The following SPAG17 variants were observed in gnomAD, a reference collection of about 807,000 sequenced individuals.
SPAG17 encodes the protein sperm-associated antigen 17.
SPAG17 carries 169 observed loss-of-function variants against 273.6 expected under a neutral mutation model. The ratio of observed to expected loss-of-function variants is 0.62; its 90% CI spans 0.55 to 0.70. The LOEUF (loss-of-function observed/expected upper bound fraction) is 0.70, where lower values mean the gene tolerates loss of function less well. Among genes scored for constraint, SPAG17 ranks in the 30% least tolerant of loss-of-function variants. The probability of loss-of-function intolerance (pLI) is 0.00; values close to 1 mark genes in which losing one functional copy is unlikely to be tolerated. For missense variants in SPAG17, 2,557 were observed against 2,627.8 expected (o/e 0.97, Z 0.59); for synonymous variants, 825 against 873.2 (o/e 0.94, Z 0.97).
chr1:118,165,645 CTTTTT>C (rs5777341), intron 1 of SPAG17, among the ~76,000 whole-genome samples: 4 of 108,350 alleles, frequency 3.7e-5, no homozygotes, highest in Non-Finnish European at 5.3e-5. Context: ...AAAAAACTTT[CTTTTT>C]TTTTTTTTTT....
At chr1:118,034,811 TGATTAA>T (rs1175267879) in intron 24 of SPAG17, among the ~76,000 whole-genome samples, 1 of 152,160 alleles carries the variant, frequency 6.6e-6, no homozygotes, top group East Asian at 1.9e-4. Flanking sequence ...AGTTGGGGCC[TGATTAA>T]GATTAAGATT....
At chr1:118,086,292 C>T (rs1173800208) in intron 12 of SPAG17, among the ~76,000 whole-genome samples, 1 of 152,182 alleles carries the variant, frequency 6.6e-6, no homozygotes, top group Non-Finnish European at 1.5e-5. Flanking sequence ...ACTGATTCTT[C>T]ATTCACAGTG....
Position 118,091,672 on chromosome 1 carries a change from A to G in SPAG17, c.1293T>C (p.Tyr431=), listed in dbSNP as rs1214807133. The change falls in exon 10 of 49, where the codon TAT becomes TAC. Residue 431 remains tyrosine (Y), a synonymous_variant. Transcript: ENST00000336338. ...TTEVDMRYYN[Y]LLNPIREEFI... is the part of the protein sequence containing the mutation. ...ATTCCTCTCGAATTGGATTCAGCAA[A>G]TAATTGTAATATCTCATGTCTACTT... 1.2e-6 allele frequency: 2 copies of G among 1,612,486 alleles called. No homozygotes were observed. Among genetic ancestry groups the G allele is most frequent in the East Asian group, 2.2e-5 (1 of 44,850 alleles).
Position 117,953,688 on chromosome 1 carries a change from C to A in SPAG17, c.*362G>T. 1.3e-6 allele frequency: 1 copy of A among 757,222 alleles called. No homozygotes were observed. The highest frequency in any genetic ancestry group is 2.1e-6 in the Non-Finnish European group (1 of 474,924). 46.9% of individuals were successfully genotyped at this position (757,222 alleles called of 1,614,324 possible). On this transcript the variant is annotated 3_prime_UTR_variant, in exon 49 of 49. Transcript: ENST00000336338. ...TGGGGATTATAACCTGTTTCCTTCT[C>A]TTGTAACCAAAGATGGGAGTAGTCC... is the stretch of plus-strand genomic sequence containing the variant.
rs546291032 is a variant in SPAG17, at chr1:118,157,351, A to G, written c.88-5982T>C. 4.9e-4 allele frequency among the ~76,000 whole-genome samples: 75 copies of G among 152,190 alleles called. 1 individual carries two copies. The highest frequency in any genetic ancestry group is 7.9e-4 in the Non-Finnish European group (54 of 68,042). On this transcript the variant is annotated intron_variant, in intron 1 of 48. Transcript: ENST00000336338. ...AAGACACACTCTGCAGCAATGCGCT[A>G]TGTGGATCTATAATTAAGAGTCTGC...
chr1:118,179,686 T>A (rs1321864584), intron 1 of SPAG17, among the ~76,000 whole-genome samples: 3 of 151,990 alleles, frequency 2.0e-5, no homozygotes, highest in Non-Finnish European at 4.4e-5. Flanking sequence ...ATTTGCAAAT[T>A]ATCCATCTGA....
In SPAG17 at chr1:118,099,671, T is replaced by A; in HGVS notation, c.764A>T (p.Tyr255Phe). 5.0e-6 allele frequency: 8 copies of A among 1,614,118 alleles called. No homozygotes were observed. The highest frequency in any genetic ancestry group is 6.8e-6 in the Non-Finnish European group (8 of 1,179,980). ...TGCCAGGTGTGTCTGCAGAGGTTCA[T>A]AATTCTCTGAAGATATTTTAATCAC... ...TSVIKISSEN[Y>F]EPLQTHLAAV... Residue 255 changes from tyrosine (Y) to phenylalanine (F), a missense_variant, in exon 6 of 49, where the codon TAT becomes TTT. Transcript: ENST00000336338.
chr1:117,962,913 G>T (rs531888332), intron 48 of SPAG17: 6 of 152,358 alleles, frequency 3.9e-5, no homozygotes, highest in East Asian at 3.9e-4. Context: ...AGAGAGGGAG[G>T]TTGTGAGCAG....
intron 1 of SPAG17, among the ~76,000 whole-genome samples, chr1:118,162,191 C>A (rs942206009): frequency 6.6e-6 from 1 of 152,152 alleles, no homozygotes; most frequent in Non-Finnish European, 1.5e-5. Flanking sequence ...TTATTGGATA[C>A]GTTAGGGCAG....
chr1:118,010,648 C>A lies in SPAG17; in HGVS notation c.4432+1580G>T, dbSNP rs117669141. On this transcript the variant is annotated intron_variant, in intron 30 of 48. Transcript: ENST00000336338. ...CTAGGCAATACCATTCTAGACGTAG[C>A]AACAGGCAAAGATTTCATGACAAAG... 2.1e-3 allele frequency among the ~76,000 whole-genome samples: 316 copies of A among 152,136 alleles called. 3 individuals carry two copies. The highest frequency in any genetic ancestry group is 8.9e-3 in the East Asian group (46 of 5,182).
intron 3 of SPAG17, among the ~76,000 whole-genome samples, chr1:118,136,647 G>T (rs1658373743): frequency 6.6e-6 from 1 of 152,152 alleles, no homozygotes; most frequent in African/African-American, 2.4e-5. Context: ...CATAAAACAG[G>T]ATGCTGGCCC....
chr1:117,956,927 A>G, intron 48 of SPAG17: 2 of 613,402 alleles, frequency 3.3e-6, no homozygotes, highest in South Asian at 7.4e-5. Context: ...CATCTAGCTT[A>G]CAGATGAATA....
chr1:118,054,746 G>C (rs1228966828), intron 19 of SPAG17, among the ~76,000 whole-genome samples: 1 of 151,494 alleles, frequency 6.6e-6, no homozygotes, highest in East Asian at 1.9e-4. Context: ...TTTTTGGGGG[G>C]TACTTAATGC....
At chr1:118,067,422 A>T (rs538612981) in intron 17 of SPAG17, among the ~76,000 whole-genome samples, 1 of 152,148 alleles carries the variant, frequency 6.6e-6, no homozygotes, top group African/African-American at 2.4e-5. Context: ...TAGTGCCGTT[A>T]TAAGAAGAGG....
At chr1:118,175,859 A>G (rs1485345133) in intron 1 of SPAG17, among the ~76,000 whole-genome samples, 1 of 152,198 alleles carries the variant, frequency 6.6e-6, no homozygotes, top group East Asian at 1.9e-4. Context: ...GCAATCAGCT[A>G]ATAATTCTAG....
chr1:117,961,260 G>C (rs1207997297), intron 48 of SPAG17: 2 of 152,082 alleles, frequency 1.3e-5, no homozygotes, highest in African/African-American at 4.8e-5. Context: ...TTCCAGCCTG[G>C]GCAACACAGT....
In SPAG17 at chr1:117,987,853, C is replaced by T; in HGVS notation, c.5650G>A (p.Glu1884Lys). Residue 1884 changes from glutamate (E) to lysine (K), a missense_variant, in exon 40 of 49, where the codon GAA (glutamate) becomes AAA (lysine). By Grantham distance (56) the Glu-to-Lys change is moderately conservative (BLOSUM62 1). Transcript: ENST00000336338. ...RHTASSKRWKEKIDKTRKEIE... is the reference protein window; with the variant it reads ...RHTASSKRWKKKIDKTRKEIE... ...AATTACCTCGTTTTGTCTATCTTTTCTTTCCAGCGTTTTGAGGATGCTGTG... is the reference window on the plus strand; with the variant it reads ...AATTACCTCGTTTTGTCTATCTTTTTTTTCCAGCGTTTTGAGGATGCTGTG... 1.9e-6 allele frequency: 3 copies of T among 1,612,240 alleles called. No homozygotes were observed. In the South Asian group the frequency reaches 3.3e-5, roughly 18 times the overall value.
chr1:118,176,428 A>G (rs184749461), intron 1 of SPAG17, among the ~76,000 whole-genome samples: 2 of 152,354 alleles, frequency 1.3e-5, no homozygotes, highest in East Asian at 3.9e-4. Context: ...TATATCAGGT[A>G]AAATACATTA....
At chr1:118,031,299 T>C (rs985688467) in intron 25 of SPAG17, among the ~76,000 whole-genome samples, 1 of 151,420 alleles carries the variant, frequency 6.6e-6, no homozygotes, top group Non-Finnish European at 1.5e-5. Flanking sequence ...ACTGTTTCCA[T>C]TGTTTGGTTA....
Sources: allele counts gnomAD v4.1 joint callset (sites outside exome capture counted in the v4.1 genomes callset), GRCh38; gene constraint gnomAD v4.1.1; transcripts MANE v1.5; gene names NCBI Gene and HGNC (gene_info 2026-07-23, HGNC 2026-07-21).